RIDA: variants seen among roughly 807,000 people sequenced by gnomAD.
RIDA encodes reactive intermediate imine deaminase A.
In RIDA, 17 loss-of-function variants were observed where a neutral mutation model predicts 17.8. That is an observed-to-expected ratio of 0.96 (90% CI 0.65 to 1.43). The LOEUF is 1.43. Among genes scored for constraint, RIDA ranks in the 40% most tolerant of loss-of-function variants. RIDA has a pLI of 0.00. For synonymous variants in RIDA, 48 were observed against 55.7 expected, an observed-to-expected ratio of 0.86 and a Z score of 0.62; for missense variants, 158 against 161.7, an observed-to-expected ratio of 0.98 and a Z score of 0.12.
At chr8:98,103,705 C>G (rs1314157657) in intron 5 of RIDA, among the ~76,000 whole-genome samples, 2 of 151,038 alleles carry the variant, frequency 1.3e-5, no homozygotes, top group Non-Finnish European at 2.9e-5. Flanking sequence ...GGCGCGATTT[C>G]GGCTCACTGC....
intron 1 of RIDA, among the ~76,000 whole-genome samples, chr8:98,114,199 TACAAAC>T (rs1815768261): frequency 6.6e-6 from 1 of 152,052 alleles, no homozygotes; most frequent in African/African-American, 2.4e-5. Flanking sequence ...TATACACACA[TACAAAC>T]ACACAACCAC....
intron 1 of RIDA, among the ~76,000 whole-genome samples, chr8:98,112,381 G>A (rs112829579): frequency 0.065 from 9,865 of 152,222 alleles, 404 homozygotes; most frequent in Admixed American, 0.11. Context: ...CTTGAGGTCA[G>A]GGTAATGTCT....
chr8:98,104,082 C>CTTTTT (rs539041035), intron 5 of RIDA, among the ~76,000 whole-genome samples: 2 of 127,978 alleles, frequency 1.6e-5, no homozygotes, highest in African/African-American at 2.9e-5. Context: ...TATTTCTTTT[C>CTTTTT]TTTTTTTTTT....
Position 98,104,524 on chromosome 8 carries a change from C to T in RIDA, c.316G>A (p.Ala106Thr). The T allele has an allele frequency of 6.3e-7, 1 of 1,590,948 alleles. No homozygotes were observed. The highest frequency in any genetic ancestry group is 1.1e-5 in the South Asian group (1 of 90,190). Residue 106 changes from alanine to threonine, a missense_variant, in exon 5 of 6, where the codon GCT (alanine) becomes ACT (threonine). Transcript: ENST00000254878. ...YKQYFKSNFPARAAYQVAALP... is the reference protein window; with the variant it reads ...YKQYFKSNFPTRAAYQVAALP... ...GCAGCAACTTGGTAAGCAGCTCTAGCAGGAAAATTACTCTTGAAATCTGAA... is the reference window on the plus strand; with the variant it reads ...GCAGCAACTTGGTAAGCAGCTCTAGTAGGAAAATTACTCTTGAAATCTGAA...
chr8:98,115,773 C>A (rs1815807430), intron 1 of RIDA, among the ~76,000 whole-genome samples: 1 of 152,094 alleles, frequency 6.6e-6, no homozygotes, highest in African/African-American at 2.4e-5. Flanking sequence ...TTAATAATAC[C>A]TTTTTTTAAT....
chr8:98,117,127 G>C lies in RIDA; in HGVS notation c.-31C>G, dbSNP rs1449075006. 6.2e-7 allele frequency: 1 copy of C among 1,606,716 alleles called. No individual in the cohort carries two copies. Among genetic ancestry groups the C allele is most frequent in the Non-Finnish European group, 8.5e-7 (1 of 1,173,232 alleles). ...AGCCTTCCCTCTTGCAGCCCCTTCA[G>C]GAGAAGAAGCCCCAGCACCAGCCCT... On this transcript the variant is annotated 5_prime_UTR_variant, in exon 1 of 6. Coordinates refer to ENST00000254878, the MANE Select transcript of RIDA (RefSeq NM_005836.3).
At chr8:98,105,009 C>A (rs1474351681) in intron 4 of RIDA, among the ~76,000 whole-genome samples, 1 of 151,022 alleles carries the variant, frequency 6.6e-6, no homozygotes, top group Non-Finnish European at 1.5e-5. Context: ...CTGCTCCTGG[C>A]CTTAAGCAAC....
chr8:98,102,883 C>T lies in RIDA; in HGVS notation c.373G>A (p.Ala125Thr). The change falls in exon 6 of 6, where the codon GCA becomes ACA. Residue 125 changes from alanine to threonine, a missense_variant. Physicochemically the swap from Ala to Thr is moderately conservative, Grantham distance 58 (BLOSUM62 0). Coordinates refer to ENST00000254878, the MANE Select transcript of RIDA (RefSeq NM_005836.3). ...LPKGSRIEIEAVAIQGPLTTA... is the reference protein window; with the variant it reads ...LPKGSRIEIETVAIQGPLTTA... ...GTCAGTGGTCCTTGGATAGCTACTG[C>T]TTCAATTTCAATTCGGCTGCCCTGT... is the stretch of plus-strand genomic sequence containing the variant. 1.9e-6 allele frequency: 3 copies of T among 1,613,362 alleles called. No homozygotes were observed. The highest frequency in any genetic ancestry group is 2.5e-6 in the Non-Finnish European group (3 of 1,179,476).
At chr8:98,107,411 T>C (rs569449454) in intron 2 of RIDA, among the ~76,000 whole-genome samples, 22 of 151,890 alleles carry the variant, frequency 1.4e-4, no homozygotes, top group African/African-American at 4.6e-4. Context: ...GTAGTCCCAG[T>C]TACTTGGGAG....
intron 1 of RIDA, among the ~76,000 whole-genome samples, chr8:98,109,136 G>A (rs185875952): frequency 1.5e-3 from 224 of 152,288 alleles, no homozygotes; most frequent in Non-Finnish European, 2.2e-3. Flanking sequence ...GAAGGCTGAA[G>A]TGAGCCATGA....
chr8:98,106,431 T>A (rs1815633698), intron 2 of RIDA, 105 bp from the exon 3 acceptor site: 1 of 935,944 alleles, frequency 1.1e-6, no homozygotes, highest in Admixed American at 2.1e-5. Flanking sequence ...ATAGCCTATG[T>A]TGCAGAAAAA....
chr8:98,110,900 G>T (rs1815717771), intron 1 of RIDA, among the ~76,000 whole-genome samples: 1 of 152,134 alleles, frequency 6.6e-6, no homozygotes, highest in Non-Finnish European at 1.5e-5. Flanking sequence ...ATAAGTGTCT[G>T]ACAGTTCCTC....
At chr8:98,112,566 G>A (rs1815742949) in intron 1 of RIDA, among the ~76,000 whole-genome samples, 1 of 152,198 alleles carries the variant, frequency 6.6e-6, no homozygotes. Flanking sequence ...TTTGGAGAGA[G>A]CTAAGGAGGT....
At chr8:98,112,986 T>C (rs1815749377) in intron 1 of RIDA, among the ~76,000 whole-genome samples, 1 of 152,258 alleles carries the variant, frequency 6.6e-6, no homozygotes, top group African/African-American at 2.4e-5. Context: ...TGACACTTTC[T>C]GAGCATAAGA....
At position 98,102,812 on chromosome 8, in the gene RIDA, C is replaced by A; in HGVS notation, c.*30G>T. The stretch of plus-strand genomic sequence containing the variant: ...TCAATTGTAAAAATTAAAATGTTAA[C>A]AATTCCAGACTACACAGCACTGGGC... On this transcript the variant is annotated 3_prime_UTR_variant, in exon 6 of 6. Coordinates refer to ENST00000254878, the MANE Select transcript of RIDA (RefSeq NM_005836.3). 6.9e-7 allele frequency: 1 copy of A among 1,456,070 alleles called. No homozygotes were observed. Among genetic ancestry groups the A allele is most frequent in the Non-Finnish European group, 9.3e-7 (1 of 1,070,634 alleles). 90.2% of individuals were successfully genotyped at this position (1,456,070 alleles called of 1,614,324 possible).
chr8:98,105,512 A>G (rs537003315), intron 4 of RIDA, among the ~76,000 whole-genome samples: 6 of 152,334 alleles, frequency 3.9e-5, no homozygotes, highest in African/African-American at 9.6e-5. Context: ...AGTTAGGAGT[A>G]TATTATCTCC....
intron 2 of RIDA, 121 bp from the exon 3 acceptor site, chr8:98,106,447 C>T (rs1815633889): frequency 2.6e-6 from 2 of 777,812 alleles, no homozygotes; most frequent in African/African-American, 1.7e-5. Context: ...AAAAATCCTC[C>T]CTACTCGCTT....
At chr8:98,104,087 T>C (rs942687638) in intron 5 of RIDA, among the ~76,000 whole-genome samples, 24 of 150,288 alleles carry the variant, frequency 1.6e-4, no homozygotes, top group African/African-American at 4.1e-4. Flanking sequence ...CTTTTCTTTT[T>C]TTTTTTTTTT....
rs2130552585 is a variant in RIDA at position 98,108,882 on chromosome 8, A to C, written c.66-131T>G. Reference sequence around the variant, plus strand: ...AAAACAGATACATTGGACTTCATGAAAATTGAAAACTTTTGTTTATCAAAG... The same window carrying C: ...AAAACAGATACATTGGACTTCATGACAATTGAAAACTTTTGTTTATCAAAG... On this transcript the variant is annotated intron_variant, in intron 1 of 5. Coordinates refer to ENST00000254878, the MANE Select transcript of RIDA (RefSeq NM_005836.3). The C allele has an allele frequency of 5.1e-6, 3 of 589,800 alleles. No individual in the cohort carries two copies. In the East Asian group the frequency reaches 8.4e-5, roughly 16 times the overall value. 36.5% of individuals were successfully genotyped at this position (589,800 alleles called of 1,614,324 possible). A position where few individuals can be genotyped will look rare whatever the true frequency, so the allele number is the denominator to read the frequency against.
Sources: gnomAD v4.1 joint callset for allele counts (sites outside exome capture counted in the v4.1 genomes callset) on GRCh38, gnomAD v4.1.1 for gene constraint, MANE v1.5 for transcripts, NCBI Gene and HGNC (gene_info 2026-07-23, HGNC 2026-07-21) for gene names.